Variants in NFIC observed in about 807,000 individuals in gnomAD.
The protein encoded by NFIC is nuclear factor I C.
Under a neutral mutation model 54.4 loss-of-function variants are expected in NFIC, and 12 were observed. The observed-to-expected ratio is 0.22, with a 90% confidence interval of 0.14 to 0.36. The LOEUF is 0.36. NFIC is among the 10% of genes least tolerant of loss of function. The pLI, the probability that NFIC is intolerant of heterozygous loss-of-function variation, is 1.00. For synonymous variants in NFIC, 322 were observed against 319.2 expected, an observed-to-expected ratio of 1.01 and a Z score of -0.09; for missense variants, 575 against 718.2, an observed-to-expected ratio of 0.80 and a Z score of 2.28.
At chr19:3,378,277 AAAAAG>A (rs978798896) in intron 1 of NFIC, among the ~76,000 whole-genome samples, 2 of 151,400 alleles carry the variant, frequency 1.3e-5, no homozygotes, top group African/African-American at 4.8e-5. Flanking sequence ...AAAAAAAAAA[AAAAAG>A]GAGATGGGGT....
At chr19:3,422,192 C>G (rs978145656) in intron 2 of NFIC, among the ~76,000 whole-genome samples, 2 of 152,080 alleles carry the variant, frequency 1.3e-5, no homozygotes, top group East Asian at 1.9e-4. Flanking sequence ...CCGCCTCGGC[C>G]TCCCAAAGTG....
chr19:3,435,233 C>A (rs1186661777), intron 6 of NFIC, 26 bp downstream of exon 6: 2 of 1,544,524 alleles, frequency 1.3e-6, no homozygotes, highest in Middle Eastern at 1.8e-4. Context: ...GGGGCGGAGC[C>A]GGCCTTCCGG....
rs1555744611 is a variant in NFIC, at chr19:3,394,519, A to ACACC, written c.562+12277_562+12278insACCC. Among the ~76,000 whole-genome samples, 11 of 47,346 alleles carry ACACC rather than the reference A, an allele frequency of 2.3e-4. 2 individuals carry two copies. Among genetic ancestry groups the ACACC allele is most frequent in the African/African-American group, 1.4e-3 (10 of 7,346 alleles). The allele number at this position is 47,346 out of a possible 152,430, so 31.1% of individuals were successfully genotyped here. A position where few individuals can be genotyped will look rare whatever the true frequency, so the allele number is the denominator to read the frequency against. Reference sequence around the variant, plus strand: ...CGAGGTATTTTATGATCTTTTCCCCACCCACCCCCCACCCGCTTACACTAA... The same window carrying ACACC: ...CGAGGTATTTTATGATCTTTTCCCCACACCCCCACCCCCCACCCGCTTACACTAA... On this transcript the variant is annotated intron_variant, in intron 2 of 10. Coordinates refer to ENST00000443272, the MANE Select transcript of NFIC (RefSeq NM_001245002.2).
intron 2 of NFIC, among the ~76,000 whole-genome samples, chr19:3,424,364 T>C (rs1345896183): frequency 1.4e-5 from 2 of 148,070 alleles, no homozygotes; most frequent in African/African-American, 2.5e-5. Flanking sequence ...TTAATTTCAT[T>C]TTCTGAGATG....
At chr19:3,426,925 C>CTTTTTT (rs547112160) in intron 3 of NFIC, among the ~76,000 whole-genome samples, 2 of 137,634 alleles carry the variant, frequency 1.5e-5, no homozygotes, top group South Asian at 2.3e-4. Context: ...TACCCTCAAT[C>CTTTTTT]TTTTTTTTTT....
intron 2 of NFIC, among the ~76,000 whole-genome samples, chr19:3,418,622 C>T (rs2081905410): frequency 6.6e-6 from 1 of 152,088 alleles, no homozygotes; most frequent in Non-Finnish European, 1.5e-5. Context: ...GAGGCCGAGG[C>T]AGGAGGATCA....
chr19:3,365,322 T>A (rs952999719), upstream of NFIC, among the ~76,000 whole-genome samples: 3 of 152,188 alleles, frequency 2.0e-5, no homozygotes, highest in African/African-American at 7.2e-5. Flanking sequence ...TAGTGAACAT[T>A]TGACCCAAGG....
At position 3,435,226 on chromosome 19, in the gene NFIC, G is replaced by A. The variant is rs759770535; in HGVS notation, c.958+19G>A. On this transcript the variant is annotated intron_variant, in intron 6 of 10. Transcript: ENST00000443272. ...GAAGGAGGTAGGGCTGGTGGCGGGG[G>A]CGGAGCCGGCCTTCCGGTCTGAGTC... 9.6e-6 allele frequency: 15 copies of A among 1,557,528 alleles called. No individual in the cohort carries two copies. The South Asian group carries it at 1.6e-4, about 17-fold the overall frequency.
At chr19:3,456,790 C>T (rs1215578347) in intron 10 of NFIC, 155 bp downstream of exon 10, 2 of 729,504 alleles carry the variant, frequency 2.7e-6, no homozygotes, top group Non-Finnish European at 4.6e-6. Context: ...CGAGCCCCCA[C>T]CTGGCCTCTC....
At chr19:3,408,648 G>A (rs973191298) in intron 2 of NFIC, among the ~76,000 whole-genome samples, 4 of 152,048 alleles carry the variant, frequency 2.6e-5, no homozygotes, top group African/African-American at 9.7e-5. Context: ...TTGAGACGGA[G>A]TCTCACTCTG....
At chr19:3,460,298 GC>G (rs1280910755) in intron 10 of NFIC, among the ~76,000 whole-genome samples, 1 of 152,150 alleles carries the variant, frequency 6.6e-6, no homozygotes, top group Non-Finnish European at 1.5e-5. Context: ...GAGGGGGTTG[GC>G]CCTGGGCAGG....
chr19:3,448,067 A>T (rs1282070018), intron 6 of NFIC, among the ~76,000 whole-genome samples: 1 of 134,686 alleles, frequency 7.4e-6, no homozygotes, highest in South Asian at 2.4e-4. Context: ...CCTGCACCCG[A>T]CTATCCATCT....
At position 3,464,305 on chromosome 19, in the gene NFIC, C is replaced by G. The variant is rs1330548771; in HGVS notation, c.*1536C>G. Reference sequence around the variant, plus strand: ...GGGGGTTCGGCGTCGCACCTTGGGGCCCCCCGCAGCCGTGTAGGGGGCCTC... The same window carrying G: ...GGGGGTTCGGCGTCGCACCTTGGGGGCCCCCGCAGCCGTGTAGGGGGCCTC... On this transcript the variant is annotated 3_prime_UTR_variant, in exon 11 of 11. Coordinates refer to ENST00000443272, the MANE Select transcript of NFIC (RefSeq NM_001245002.2). 3.0e-6 allele frequency: 3 copies of G among 985,006 alleles called. No homozygotes were observed. The East Asian group carries it at 3.4e-4, about 112-fold the overall frequency. The allele number at this position is 985,006 out of a possible 1,614,324, so 61.0% of individuals were successfully genotyped here.
At chr19:3,388,743 G>A (rs1031484339) in intron 2 of NFIC, among the ~76,000 whole-genome samples, 7 of 152,106 alleles carry the variant, frequency 4.6e-5, no homozygotes, top group Non-Finnish European at 2.9e-5. Context: ...CAGGAGGATG[G>A]CTTGAGCCCA....
intron 2 of NFIC, among the ~76,000 whole-genome samples, chr19:3,419,628 G>A (rs773817185): frequency 6.6e-6 from 1 of 151,914 alleles, no homozygotes; most frequent in Non-Finnish European, 1.5e-5. Context: ...AATTAGCTGG[G>A]CTAATTAAAA....
At position 3,464,843 on chromosome 19, in the gene NFIC, G is replaced by T; in HGVS notation, c.*2074G>T. The T allele has an allele frequency of 7.9e-6, 3 of 378,734 alleles. No homozygotes were observed. The highest frequency in any genetic ancestry group is 1.1e-4 in the South Asian group (1 of 9,150). The allele number at this position is 378,734 out of a possible 1,614,324, so 23.5% of individuals were successfully genotyped here. On this transcript the variant is annotated 3_prime_UTR_variant, in exon 11 of 11. Coordinates refer to ENST00000443272, the MANE Select transcript of NFIC (RefSeq NM_001245002.2). ...GCCCGCTCCCCCGGTGGCCCTTGGG[G>T]ATCAAAGCGTGGGCCGCTCTCCGGG...
intron 6 of NFIC, among the ~76,000 whole-genome samples, chr19:3,443,040 T>G (rs1467905511): frequency 6.6e-6 from 1 of 152,192 alleles, no homozygotes; most frequent in Non-Finnish European, 1.5e-5. Flanking sequence ...CCAGGGATGC[T>G]GCTTAGCACC....
At chr19:3,404,651 G>C (rs937031224) in intron 2 of NFIC, among the ~76,000 whole-genome samples, 21 of 152,018 alleles carry the variant, frequency 1.4e-4, no homozygotes, top group Non-Finnish European at 2.8e-4. Flanking sequence ...GCCAGCCTGC[G>C]CCGCCCAGAC....
rs565433511 is a variant in NFIC at position 3,366,827 on chromosome 19, A to T, written c.30+161A>T. On this transcript the variant is annotated intron_variant, in intron 1 of 10. Coordinates refer to ENST00000443272, the MANE Select transcript of NFIC (RefSeq NM_001245002.2). ...CCGAGGGCTGGGGTCCGGTGGGGGG[A>T]TGGGTCAGGCTGGGGTACCCCCCCC... Among the ~76,000 whole-genome samples the T allele has an allele frequency of 5.4e-5, 8 of 148,996 alleles. No individual in the cohort carries two copies. The East Asian group carries it at 1.6e-3, about 30-fold the overall frequency.
Sources: allele counts gnomAD v4.1 joint callset (sites outside exome capture counted in the v4.1 genomes callset), GRCh38; gene constraint gnomAD v4.1.1; transcripts MANE v1.5; gene names NCBI Gene and HGNC (gene_info 2026-07-23, HGNC 2026-07-21).